The following MAGI2 variants were observed in gnomAD, a reference collection of about 807,000 sequenced individuals.
The protein encoded by MAGI2 is membrane-associated guanylate kinase, WW and PDZ domain-containing protein 2.
In MAGI2, 35 loss-of-function variants were observed where a neutral mutation model predicts 133.3. The ratio of observed to expected loss-of-function variants is 0.26; its 90% confidence interval spans 0.20 to 0.35. The LOEUF is 0.35. Ranked by LOEUF, MAGI2 falls within the 10% of genes least tolerant of loss-of-function variation. The pLI is 1.00. For synonymous variants in MAGI2, 729 were observed against 710.6 expected, an observed-to-expected ratio of 1.03 and a Z score of -0.41; for missense variants, 1,636 against 1,863.4, an observed-to-expected ratio of 0.88 and a Z score of 2.25.
intron 1 of MAGI2, among the ~76,000 whole-genome samples, chr7:79,136,003 G>GAAAGAAAGAGAAAGAA (rs749343638): frequency 2.1e-3 from 84 of 40,848 alleles, no homozygotes; most frequent in African/African-American, 2.6e-3. Flanking sequence ...AAGAAAGAAA[G>GAAAGAAAGAGAAAGAA]AGAAAGAAAG....
At chr7:78,700,939 AGT>A (rs1386771784) in intron 2 of MAGI2, among the ~76,000 whole-genome samples, 5 of 143,166 alleles carry the variant, frequency 3.5e-5, no homozygotes, top group Admixed American at 7.2e-5. Flanking sequence ...TAGTATAGTA[AGT>A]GTGTTACATT....
chr7:78,225,996 T>A (rs1452684967), intron 10 of MAGI2, among the ~76,000 whole-genome samples: 1 of 152,104 alleles, frequency 6.6e-6, no homozygotes, highest in South Asian at 2.1e-4. Context: ...GACCAGTTTT[T>A]AAAAAAATTC....
chr7:78,853,305 C>T (rs535116818), intron 2 of MAGI2, among the ~76,000 whole-genome samples: 29 of 130,878 alleles, frequency 2.2e-4, no homozygotes, highest in Admixed American at 8.4e-4. Context: ...CTAAGAATAA[C>T]GCTCATATTA....
intron 2 of MAGI2, among the ~76,000 whole-genome samples, chr7:78,751,079 C>T (rs1297855195): frequency 6.6e-6 from 1 of 152,144 alleles, no homozygotes; most frequent in East Asian, 1.9e-4. Flanking sequence ...AAAGAATATG[C>T]TTCTAGAGGT....
chr7:79,187,718 C>A (rs111940539), intron 1 of MAGI2, among the ~76,000 whole-genome samples: 1 of 151,584 alleles, frequency 6.6e-6, no homozygotes, highest in Non-Finnish European at 1.5e-5. Flanking sequence ...TTATGTCACA[C>A]CAAATTTATA....
chr7:79,348,378 T>C (rs750466542), intron 1 of MAGI2, among the ~76,000 whole-genome samples: 26 of 151,916 alleles, frequency 1.7e-4, no homozygotes, highest in Non-Finnish European at 2.2e-4. Context: ...ATTTAATGTG[T>C]ATATAAGCTC....
chr7:79,048,831 A>T (rs1812413659), intron 1 of MAGI2, among the ~76,000 whole-genome samples: 1 of 152,136 alleles, frequency 6.6e-6, no homozygotes, highest in African/African-American at 2.4e-5. Context: ...AAAATTAGCC[A>T]GGTGTGGTGA....
intron 9 of MAGI2, among the ~76,000 whole-genome samples, chr7:78,320,288 C>T (rs150378663): frequency 0.011 from 1,683 of 152,082 alleles, 36 homozygotes; most frequent in East Asian, 0.057. Flanking sequence ...AGCATCATCC[C>T]GATACCAAAA....
chr7:78,378,241 C>G (rs1794624341), intron 6 of MAGI2, among the ~76,000 whole-genome samples: 1 of 151,794 alleles, frequency 6.6e-6, no homozygotes, highest in Non-Finnish European at 1.5e-5. Flanking sequence ...TAAAAAGAAT[C>G]AGAGAGGTCA....
chr7:79,016,784 C>T (rs1303628176), intron 1 of MAGI2, among the ~76,000 whole-genome samples: 2 of 152,304 alleles, frequency 1.3e-5, no homozygotes, highest in East Asian at 3.9e-4. Flanking sequence ...CACCCACCTG[C>T]ACCCCACCCC....
At chr7:78,774,734 C>T (rs770948586) in intron 2 of MAGI2, among the ~76,000 whole-genome samples, 4 of 152,074 alleles carry the variant, frequency 2.6e-5, no homozygotes, top group Non-Finnish European at 5.9e-5. Context: ...ATATCCAATA[C>T]AGACACAACA....
intron 2 of MAGI2, among the ~76,000 whole-genome samples, chr7:78,643,810 G>T (rs374762829): frequency 2.0e-5 from 3 of 151,804 alleles, no homozygotes; most frequent in Admixed American, 1.3e-4. Context: ...ATCATTTGAC[G>T]GCTGACTGGG....
At chr7:78,317,586 A>G (rs62463920) in intron 9 of MAGI2, among the ~76,000 whole-genome samples, 2 of 152,126 alleles carry the variant, frequency 1.3e-5, no homozygotes, top group African/African-American at 4.8e-5. Flanking sequence ...ACGTCTCTGT[A>G]TGATGGCTCT....
rs73376281 is a variant in MAGI2 at position 78,532,108 on chromosome 7, G to A, written c.539-10463C>T. On this transcript the variant is annotated intron_variant, in intron 3 of 21. Coordinates refer to ENST00000354212, the MANE Select transcript of MAGI2 (RefSeq NM_012301.4). The stretch of plus-strand genomic sequence containing the variant: ...TAATCTCCTTAAATGACTGTGAACC[G>A]GGCAGCAACCTCCCCTGAACCTCAG... Among the ~76,000 whole-genome samples, 489 of 152,176 alleles carry A rather than the reference G, an allele frequency of 3.2e-3. 3 individuals are homozygous for A. The highest frequency in any genetic ancestry group is 0.011 in the African/African-American group (450 of 41,516).
At chr7:79,429,293 T>C (rs938408009) in intron 1 of MAGI2, among the ~76,000 whole-genome samples, 27 of 152,204 alleles carry the variant, frequency 1.8e-4, no homozygotes, top group African/African-American at 5.8e-4. Flanking sequence ...AAAGCAATTT[T>C]TAATTTCTAC....
chr7:78,236,479 G>A (rs1222009814), intron 10 of MAGI2, among the ~76,000 whole-genome samples: 1 of 152,076 alleles, frequency 6.6e-6, no homozygotes, highest in Non-Finnish European at 1.5e-5. Context: ...CAAGCTCGAG[G>A]AAAAAACTGG....
intron 2 of MAGI2, among the ~76,000 whole-genome samples, chr7:78,948,989 AGTCAC>A (rs942026180): frequency 7.9e-5 from 12 of 152,140 alleles, no homozygotes; most frequent in Non-Finnish European, 1.5e-4. Context: ...TATAGCAATC[AGTCAC>A]AAAGAAAGTT....
rs141939711 is a variant in MAGI2, at chr7:78,817,385, G to A, written c.418+189705C>T. 1.2e-4 allele frequency among the ~76,000 whole-genome samples: 19 copies of A among 152,286 alleles called. No homozygotes were observed. The East Asian group carries it at 2.7e-3, about 22-fold the overall frequency. ...GTTTGAAAGGATTGACTTCAGTTTC[G>A]AAAGAAGTTCCACTGTGGGTAAAAT... On this transcript the variant is annotated intron_variant, in intron 2 of 21. Transcript: ENST00000354212.
At chr7:78,456,011 T>A (rs890749144) in intron 6 of MAGI2, among the ~76,000 whole-genome samples, 2 of 152,090 alleles carry the variant, frequency 1.3e-5, no homozygotes, top group Non-Finnish European at 2.9e-5. Context: ...GGGCCATCTT[T>A]GTCAACTTGA....
Sources: allele counts gnomAD v4.1 joint callset (sites outside exome capture counted in the v4.1 genomes callset), GRCh38; gene constraint gnomAD v4.1.1; transcripts MANE v1.5; gene names NCBI Gene and HGNC (gene_info 2026-07-23, HGNC 2026-07-21).